The following FILIP1 variants were observed in gnomAD, a reference collection of about 807,000 sequenced individuals.
The protein encoded by FILIP1 is filamin-A-interacting protein 1.
In FILIP1, 61 loss-of-function variants were observed where a neutral mutation model predicts 102.1. That is an observed-to-expected ratio of 0.60 (90% confidence interval 0.49 to 0.74). The LOEUF (loss-of-function observed/expected upper bound fraction) is 0.74. Among genes scored for constraint, FILIP1 ranks in the 30% least tolerant of loss-of-function variants. The pLI, the probability that FILIP1 is intolerant of heterozygous loss-of-function variation, is 0.00. For synonymous variants in FILIP1, 491 were observed against 526.9 expected, an observed-to-expected ratio of 0.93 and a Z score of 0.93; for missense variants, 1,314 against 1,441.2, an observed-to-expected ratio of 0.91 and a Z score of 1.43.
intron 2 of FILIP1, among the ~76,000 whole-genome samples, chr6:75,397,030 G>C (rs1055576639): frequency 8.7e-6 from 1 of 114,768 alleles, no homozygotes; most frequent in African/African-American, 3.3e-5. Context: ...TGGGGGGAGG[G>C]GGGAGGGATA....
At position 75,312,621 on chromosome 6, in the gene FILIP1, A is replaced by G. The variant is rs1191230577; in HGVS notation, c.3211T>C (p.Leu1071=). The change falls in exon 5 of 6, where the codon TTA becomes CTA. Residue 1071 remains leucine (L), a synonymous_variant. Transcript: ENST00000237172. ...TTEDNKIHIH[L]GSQFKRSPGT... is the part of the protein sequence containing the mutation. ...GGGGACCGTTTAAACTGAGACCCTA[A>G]GTGAATGTGAATTTTATTGTCCTCT... 2 of 1,614,084 alleles carry G rather than the reference A, an allele frequency of 1.2e-6. No homozygotes were observed. Among genetic ancestry groups the G allele is most frequent in the Non-Finnish European group, 1.7e-6 (2 of 1,180,052 alleles).
At chr6:75,436,132 G>A (rs1778010988) in intron 1 of FILIP1, among the ~76,000 whole-genome samples, 1 of 152,044 alleles carries the variant, frequency 6.6e-6, no homozygotes, top group South Asian at 2.1e-4. Context: ...CAGCACTTTG[G>A]GAGGCCGAGG....
chr6:75,307,429 G>A (rs972829925), downstream of FILIP1, among the ~76,000 whole-genome samples: 3 of 152,118 alleles, frequency 2.0e-5, no homozygotes, highest in Non-Finnish European at 4.4e-5. Context: ...CTAAAAATCT[G>A]TGACTTTTTG....
intron 4 of FILIP1, among the ~76,000 whole-genome samples, chr6:75,350,027 G>C (rs552698248): frequency 9.2e-4 from 140 of 152,134 alleles, no homozygotes; most frequent in African/African-American, 3.2e-3. Flanking sequence ...CCGGGAACTC[G>C]GCAAGCAAGT....
At chr6:75,322,801 C>T (rs1773706762) in intron 4 of FILIP1, among the ~76,000 whole-genome samples, 1 of 152,218 alleles carries the variant, frequency 6.6e-6, no homozygotes, top group Non-Finnish European at 1.5e-5. Context: ...TAAAATGATT[C>T]TCCCACCTCA....
chr6:75,428,166 C>A (rs952227956), intron 1 of FILIP1, among the ~76,000 whole-genome samples: 13 of 152,126 alleles, frequency 8.5e-5, no homozygotes, highest in African/African-American at 2.9e-4. Context: ...GTGCCAGCCT[C>A]CTTGTTTGAG....
intron 2 of FILIP1, among the ~76,000 whole-genome samples, chr6:75,387,132 TC>T (rs1275312173): frequency 6.6e-6 from 1 of 152,142 alleles, no homozygotes; most frequent in Non-Finnish European, 1.5e-5. Flanking sequence ...GGTTTTCTGT[TC>T]CTGTGTTAGT....
At chr6:75,435,974 A>G (rs940759106) in intron 1 of FILIP1, among the ~76,000 whole-genome samples, 12 of 152,260 alleles carry the variant, frequency 7.9e-5, no homozygotes, top group African/African-American at 2.6e-4. Context: ...GAATTGAAAC[A>G]ATGGGATTTT....
At chr6:75,380,326 TG>T (rs1454055679) in intron 2 of FILIP1, among the ~76,000 whole-genome samples, 3 of 136,836 alleles carry the variant, frequency 2.2e-5, no homozygotes, top group Non-Finnish European at 5.1e-5. Context: ...GAAAAATGCC[TG>T]AAAGGTATAA....
intron 2 of FILIP1, among the ~76,000 whole-genome samples, chr6:75,387,151 G>T (rs1416209489): frequency 1.3e-5 from 2 of 152,120 alleles, no homozygotes; most frequent in Non-Finnish European, 2.9e-5. Flanking sequence ...AGTTTGCTGA[G>T]AATGATAGTT....
chr6:75,348,213 G>A (rs963822848), intron 4 of FILIP1, among the ~76,000 whole-genome samples: 1 of 152,132 alleles, frequency 6.6e-6, no homozygotes, highest in African/African-American at 2.4e-5. Context: ...CACAAGTCTT[G>A]CAGTTCAGGC....
intron 1 of FILIP1, among the ~76,000 whole-genome samples, chr6:75,474,144 T>C (rs911585473): frequency 3.3e-5 from 5 of 152,196 alleles, no homozygotes; most frequent in Non-Finnish European, 5.9e-5. Context: ...GTTAGAAATA[T>C]AGTCTTCTTA....
At chr6:75,379,087 C>T (rs1286863544) in intron 2 of FILIP1, among the ~76,000 whole-genome samples, 1 of 152,042 alleles carries the variant, frequency 6.6e-6, no homozygotes, top group African/African-American at 2.4e-5. Flanking sequence ...GAAATCTAGG[C>T]TGAAGTAAGG....
chr6:75,321,970 C>G (rs1001511794), intron 4 of FILIP1, among the ~76,000 whole-genome samples: 1 of 152,036 alleles, frequency 6.6e-6, no homozygotes, highest in Non-Finnish European at 1.5e-5. Context: ...GAAACAGATA[C>G]AGAGAAAGAG....
intron 2 of FILIP1, among the ~76,000 whole-genome samples, chr6:75,365,080 G>GT (rs1257105139): frequency 6.6e-6 from 1 of 152,108 alleles, no homozygotes; most frequent in Admixed American, 6.5e-5. Flanking sequence ...ACAAACTACT[G>GT]TCTCTTTCTC....
At chr6:75,430,015 T>G (rs750099508) in intron 1 of FILIP1, among the ~76,000 whole-genome samples, 2 of 152,196 alleles carry the variant, frequency 1.3e-5, no homozygotes, top group Admixed American at 6.5e-5. Context: ...CACCCAAATC[T>G]CATCTTAAAT....
intron 1 of FILIP1, among the ~76,000 whole-genome samples, chr6:75,456,394 A>G (rs1413941210): frequency 1.3e-5 from 2 of 152,206 alleles, no homozygotes; most frequent in South Asian, 2.1e-4. Context: ...GGCATCTAGC[A>G]TATATTGCAA....
At chr6:75,421,698 G>A (rs995198883) in intron 1 of FILIP1, among the ~76,000 whole-genome samples, 5 of 152,162 alleles carry the variant, frequency 3.3e-5, no homozygotes, top group Admixed American at 6.6e-5. Context: ...TAGTAATACT[G>A]TCTAGCGTGG....
At chr6:75,292,841 A>G (rs956113970) in exon 7 of FILIP1, 1 of 152,200 alleles carries the variant, frequency 6.6e-6, no homozygotes, top group African/African-American at 2.4e-5. Flanking sequence ...GAAAAGGCAA[A>G]AACTTCACAT....
Sources: gnomAD v4.1 joint callset for allele counts (sites outside exome capture counted in the v4.1 genomes callset) on GRCh38, gnomAD v4.1.1 for gene constraint, MANE v1.5 for transcripts, NCBI Gene and HGNC (gene_info 2026-07-23, HGNC 2026-07-21) for gene names.